MACROD2: variants seen among roughly 807,000 people sequenced by gnomAD.
The protein encoded by MACROD2 is mono-ADP ribosylhydrolase 2.
MACROD2 carries 36 observed loss-of-function variants against 70.4 expected under a neutral mutation model. The ratio of observed to expected loss-of-function variants is 0.51; its 90% CI spans 0.39 to 0.68. The LOEUF (loss-of-function observed/expected upper bound fraction) is 0.68. MACROD2 is among the 30% of genes least tolerant of loss of function. The pLI, the probability that MACROD2 is intolerant of heterozygous loss-of-function variation, is 0.00. For missense variants in MACROD2, 496 were observed against 538.4 expected (o/e 0.92, Z 0.78); for synonymous variants, 172 against 178.8 (o/e 0.96, Z 0.30).
chr20:15,728,749 C>A (rs1451281371), intron 8 of MACROD2, among the ~76,000 whole-genome samples: 2 of 152,032 alleles, frequency 1.3e-5, no homozygotes, highest in Non-Finnish European at 2.9e-5. Flanking sequence ...GTAATGTCCC[C>A]TTTGTCATTT....
At chr20:15,899,408 T>C (rs146815377) in intron 10 of MACROD2, among the ~76,000 whole-genome samples, 1 of 152,164 alleles carries the variant, frequency 6.6e-6, no homozygotes, top group Non-Finnish European at 1.5e-5. Context: ...AGAAATTATC[T>C]TGGAGGAGTG....
rs367736796 is a variant in MACROD2, at chr20:15,924,926, G to GAAATGTAAT, written c.776-8349_776-8341dup. Among the ~76,000 whole-genome samples the GAAATGTAAT allele has an allele frequency of 3.6e-3, 543 of 152,298 alleles. 4 individuals carry two copies. Among genetic ancestry groups the GAAATGTAAT allele is most frequent in the African/African-American group, 0.013 (521 of 41,572 alleles). ...TCAGGAATGTAAAGGACAATACAGA[G>GAAATGTAAT]AAATGTAATTTTTAGAAGAAAATTT... is the stretch of plus-strand genomic sequence containing the variant. On this transcript the variant is annotated intron_variant, in intron 10 of 17. Coordinates refer to ENST00000684519, the MANE Select transcript of MACROD2 (RefSeq NM_001351661.2).
chr20:14,567,179 A>G (rs1979868108), intron 4 of MACROD2, among the ~76,000 whole-genome samples: 1 of 152,150 alleles, frequency 6.6e-6, no homozygotes, highest in Non-Finnish European at 1.5e-5. Flanking sequence ...GCATTAGTAC[A>G]TAAATATATA....
chr20:14,265,808 G>A (rs1261312438), intron 3 of MACROD2, among the ~76,000 whole-genome samples: 8 of 129,384 alleles, frequency 6.2e-5, no homozygotes, highest in South Asian at 2.5e-4. Context: ...ACAGAGTCTC[G>A]CTCTGCTACC....
At chr20:15,933,231 A>C in intron 10 of MACROD2, 45 bp from the exon 11 acceptor site, 1 of 1,590,078 alleles carries the variant, frequency 6.3e-7, no homozygotes, top group East Asian at 2.2e-5. Flanking sequence ...GATATTTCAC[A>C]AATTGACTTG....
intron 5 of MACROD2, among the ~76,000 whole-genome samples, chr20:14,717,284 C>T (rs2071407900): frequency 6.6e-6 from 1 of 152,166 alleles, no homozygotes; most frequent in African/African-American, 2.4e-5. Context: ...CTGGTGCAGT[C>T]ATCAGCAGGT....
intron 2 of MACROD2, among the ~76,000 whole-genome samples, chr20:14,072,935 A>G (rs1488563538): frequency 1.2e-5 from 1 of 86,154 alleles, no homozygotes; most frequent in African/African-American, 3.4e-5. Context: ...CTCCGTCTAG[A>G]AAAAAAAAAA....
chr20:15,458,331 T>G (rs1346449875), intron 7 of MACROD2, among the ~76,000 whole-genome samples: 1 of 152,138 alleles, frequency 6.6e-6, no homozygotes. Context: ...CCTATAATAG[T>G]GAGATCACAG....
At chr20:15,962,073 C>T (rs73597734) in intron 12 of MACROD2, among the ~76,000 whole-genome samples, 1,978 of 152,256 alleles carry the variant, frequency 0.013, 19 homozygotes, top group African/African-American at 0.037. Context: ...CCAGCTGTTC[C>T]GTTTTACATT....
intron 5 of MACROD2, among the ~76,000 whole-genome samples, chr20:14,774,638 A>C (rs1600650932): frequency 6.6e-6 from 1 of 152,200 alleles, no homozygotes; most frequent in African/African-American, 2.4e-5. Flanking sequence ...CAATGGATTA[A>C]AAGGCTATTA....
At chr20:15,524,007 T>A (rs570994462) in intron 8 of MACROD2, among the ~76,000 whole-genome samples, 1 of 152,296 alleles carries the variant, frequency 6.6e-6, no homozygotes, top group African/African-American at 2.4e-5. Context: ...GTAGTAAATG[T>A]CCCTGCTGTA....
chr20:15,986,940 T>C, intron 14 of MACROD2, 126 bp from the exon 15 acceptor site: 1 of 1,041,738 alleles, frequency 9.6e-7, no homozygotes, highest in Non-Finnish European at 1.4e-6. Context: ...AGTGTTCAAC[T>C]TGGTGTACCT....
chr20:14,479,220 C>T (rs947730344), intron 3 of MACROD2, among the ~76,000 whole-genome samples: 12 of 152,114 alleles, frequency 7.9e-5, no homozygotes, highest in African/African-American at 2.9e-4. Context: ...AGTGCCTGTG[C>T]TCCCCAGCCA....
chr20:14,283,692 G>C (rs778351988), intron 3 of MACROD2, among the ~76,000 whole-genome samples: 6 of 152,028 alleles, frequency 3.9e-5, no homozygotes, highest in Non-Finnish European at 5.9e-5. Flanking sequence ...TAGAGATGGG[G>C]TTTCACCATG....
At chr20:14,066,262 A>G (rs565559927) in intron 2 of MACROD2, among the ~76,000 whole-genome samples, 1 of 152,278 alleles carries the variant, frequency 6.6e-6, no homozygotes, top group South Asian at 2.1e-4. Context: ...AGGTCCTCTT[A>G]AGCATAAACA....
intron 5 of MACROD2, among the ~76,000 whole-genome samples, chr20:14,798,264 T>C (rs373599661): frequency 1.3e-5 from 2 of 152,086 alleles, no homozygotes; most frequent in Non-Finnish European, 2.9e-5. Context: ...GCTTAAGATA[T>C]AGATTTGAGG....
In MACROD2 at chr20:15,659,830, A is replaced by C. The variant is rs181930687; in HGVS notation, c.645+159983A>C. Among the ~76,000 whole-genome samples the C allele has an allele frequency of 2.0e-3, 297 of 152,278 alleles. 3 individuals carry two copies. In the Middle Eastern group the frequency reaches 0.037, roughly 19 times the overall value. ...ATCAAAATGTGATGGAGAAGGTTAC[A>C]GGGGAAACAGACATATGAGGGAGGC... On this transcript the variant is annotated intron_variant, in intron 8 of 17. Coordinates refer to ENST00000684519, the MANE Select transcript of MACROD2 (RefSeq NM_001351661.2).
At chr20:15,337,332 G>A (rs16995555) in intron 6 of MACROD2, among the ~76,000 whole-genome samples, 20,765 of 151,496 alleles carry the variant, frequency 0.14, 1,858 homozygotes, top group Middle Eastern at 0.22. Flanking sequence ...AGGGCAAAAG[G>A]CTAGTAGGGC....
At chr20:15,620,559 A>G (rs1401988505) in intron 8 of MACROD2, among the ~76,000 whole-genome samples, 2 of 152,242 alleles carry the variant, frequency 1.3e-5, no homozygotes, top group Non-Finnish European at 1.5e-5. Flanking sequence ...CACCTGTGCA[A>G]TGTGCAATGA....
Sources: allele counts gnomAD v4.1 joint callset (sites outside exome capture counted in the v4.1 genomes callset), GRCh38; gene constraint gnomAD v4.1.1; transcripts MANE v1.5; gene names NCBI Gene and HGNC (gene_info 2026-07-23, HGNC 2026-07-21).